MARCHF1: variants seen among roughly 807,000 people sequenced by gnomAD.
MARCHF1 encodes the protein E3 ubiquitin-protein ligase MARCHF1.
MARCHF1 carries 40 observed loss-of-function variants against 54.2 expected under a neutral mutation model. The observed-to-expected ratio is 0.74, with a 90% confidence interval of 0.57 to 0.96. The LOEUF (loss-of-function observed/expected upper bound fraction) is 0.96, where lower values mean the gene tolerates loss of function less well. Ranked by LOEUF, MARCHF1 falls within the 40% of genes least tolerant of loss-of-function variation. MARCHF1 has a pLI of 0.00. For synonymous variants in MARCHF1, 236 were observed against 236.3 expected, an observed-to-expected ratio of 1.00 and a Z score of 0.01; for missense variants, 586 against 656.5, an observed-to-expected ratio of 0.89 and a Z score of 1.17.
At chr4:164,036,132 A>AAAAAC (rs1560873154) in intron 2 of MARCHF1, among the ~76,000 whole-genome samples, 1 of 57,380 alleles carries the variant, frequency 1.7e-5, no homozygotes, top group Non-Finnish European at 2.9e-5. Context: ...AACAAAAAAC[A>AAAAAC]AAAAAAAAAA....
intron 2 of MARCHF1, among the ~76,000 whole-genome samples, chr4:163,996,772 A>C (rs1262025508): frequency 6.6e-6 from 1 of 152,046 alleles, no homozygotes; most frequent in African/African-American, 2.4e-5. Flanking sequence ...TAAATTGGGA[A>C]ATCTAACAAA....
intron 3 of MARCHF1, among the ~76,000 whole-genome samples, chr4:163,895,602 A>C (rs964911420): frequency 2.0e-5 from 3 of 152,162 alleles, no homozygotes; most frequent in African/African-American, 7.2e-5. Context: ...AGGACAGATA[A>C]TGCAGTAGAG....
intron 3 of MARCHF1, among the ~76,000 whole-genome samples, chr4:163,953,866 G>A (rs1232235631): frequency 6.6e-6 from 1 of 152,088 alleles, no homozygotes; most frequent in Non-Finnish European, 1.5e-5. Flanking sequence ...TCTTACAATG[G>A]CAGAGTTGAG....
At chr4:163,669,520 A>G (rs2111124354) in intron 5 of MARCHF1, among the ~76,000 whole-genome samples, 1 of 152,170 alleles carries the variant, frequency 6.6e-6, no homozygotes, top group Admixed American at 6.5e-5. Flanking sequence ...CTGGACTCCT[A>G]CTTCCAAAAT....
intron 5 of MARCHF1, among the ~76,000 whole-genome samples, chr4:163,621,506 G>A (rs1457162881): frequency 6.6e-6 from 1 of 152,094 alleles, no homozygotes; most frequent in Non-Finnish European, 1.5e-5. Flanking sequence ...ATTTTTTTCT[G>A]AGATTTCAGT....
intron 1 of MARCHF1, among the ~76,000 whole-genome samples, chr4:164,275,807 C>A (rs551282195): frequency 1.3e-5 from 2 of 152,212 alleles, no homozygotes; most frequent in African/African-American, 2.4e-5. Context: ...TTAGTTGATA[C>A]CAGAGGACTC....
intron 2 of MARCHF1, among the ~76,000 whole-genome samples, chr4:164,032,452 C>A (rs1753898605): frequency 6.6e-6 from 1 of 152,130 alleles, no homozygotes; most frequent in South Asian, 2.1e-4. Context: ...ATCTTTATAG[C>A]TTTCTGATGT....
chr4:164,238,305 A>G (rs1732626090), intron 1 of MARCHF1, among the ~76,000 whole-genome samples: 1 of 152,050 alleles, frequency 6.6e-6, no homozygotes, highest in African/African-American at 2.4e-5. Flanking sequence ...ATAGACAAAG[A>G]GAGTCTACAG....
At chr4:163,738,309 T>C (rs2111350049) in intron 4 of MARCHF1, among the ~76,000 whole-genome samples, 1 of 152,320 alleles carries the variant, frequency 6.6e-6, no homozygotes, top group African/African-American at 2.4e-5. Context: ...AAACCTTCTT[T>C]GGGGCCATTT....
chr4:164,345,610 AT>A lies in MARCHF1; in HGVS notation c.-323+38259del, dbSNP rs1730071150. On this transcript the variant is annotated intron_variant, in intron 1 of 9. Transcript: ENST00000514618. The stretch of plus-strand genomic sequence containing the variant: ...AATAATAATAATAATAATAATAATA[AT>A]AATAAATTTAAAAGCATAAAATTTA... Among the ~76,000 whole-genome samples, 4 of 122,428 alleles carry A rather than the reference AT, an allele frequency of 3.3e-5. No homozygotes were observed. In the Admixed American group the frequency reaches 3.6e-4, roughly 11 times the overall value. 80.3% of individuals were successfully genotyped at this position (122,428 alleles called of 152,430 possible).
At chr4:164,046,423 A>G (rs1317335911) in intron 2 of MARCHF1, among the ~76,000 whole-genome samples, 2 of 152,246 alleles carry the variant, frequency 1.3e-5, no homozygotes, top group African/African-American at 4.8e-5. Context: ...CCAGCCTTTG[A>G]TGAATTGATA....
In MARCHF1 at chr4:163,612,363, C is replaced by CTA; in HGVS notation, c.917_918insTA (p.Lys306AsnfsTer4). 1.3e-6 allele frequency: 2 copies of CTA among 1,535,414 alleles called. No homozygotes were observed. Reference sequence around the variant, plus strand: ...CCTGGAGCCCTGCATCATTCATGTCCTTGCTGCCTTCTGGAACTCCCAGTA... The same window carrying CTA: ...CCTGGAGCCCTGCATCATTCATGTCCTATTGCTGCCTTCTGGAACTCCCAGTA... On this transcript the variant is annotated frameshift_variant, in exon 7 of 10. Transcript: ENST00000514618. LOFTEE classifies it high-confidence loss of function.
intron 4 of MARCHF1, among the ~76,000 whole-genome samples, chr4:163,759,718 A>T (rs1004047696): frequency 1.3e-5 from 2 of 151,318 alleles, no homozygotes; most frequent in African/African-American, 4.9e-5. Context: ...CTTCTTTTTT[A>T]AAAGACTTTT....
At chr4:163,781,119 G>T (rs990440452) in intron 4 of MARCHF1, among the ~76,000 whole-genome samples, 2 of 152,168 alleles carry the variant, frequency 1.3e-5, no homozygotes, top group African/African-American at 2.4e-5. Context: ...CAAGGGGCGG[G>T]GGGGGTGGAT....
intron 7 of MARCHF1, among the ~76,000 whole-genome samples, chr4:163,597,154 C>T (rs776400485): frequency 1.3e-5 from 2 of 152,092 alleles, no homozygotes; most frequent in Admixed American, 6.6e-5. Flanking sequence ...GACGCGGTTT[C>T]GCCATGTTGG....
At chr4:164,170,875 G>A (rs1318944365) in intron 1 of MARCHF1, among the ~76,000 whole-genome samples, 3 of 152,072 alleles carry the variant, frequency 2.0e-5, no homozygotes. Flanking sequence ...ACAATATCCT[G>A]GTTGGCATGT....
At chr4:164,092,620 A>C (rs1755328679) in intron 2 of MARCHF1, among the ~76,000 whole-genome samples, 1 of 152,188 alleles carries the variant, frequency 6.6e-6, no homozygotes, top group Admixed American at 6.6e-5. Flanking sequence ...AATTTTACTT[A>C]CATTTACCAA....
intron 2 of MARCHF1, among the ~76,000 whole-genome samples, chr4:163,991,895 T>C (rs570489513): frequency 2.0e-5 from 3 of 152,148 alleles, no homozygotes; most frequent in East Asian, 3.9e-4. Flanking sequence ...AAATTTGGCA[T>C]TTTTACATAT....
At chr4:163,934,035 G>A (rs1022403038) in intron 3 of MARCHF1, among the ~76,000 whole-genome samples, 3 of 152,140 alleles carry the variant, frequency 2.0e-5, no homozygotes, top group African/African-American at 7.2e-5. Context: ...TTAATACACT[G>A]CAAAGGGGAA....
Sources: gnomAD v4.1 joint callset for allele counts (sites outside exome capture counted in the v4.1 genomes callset) on GRCh38, gnomAD v4.1.1 for gene constraint, MANE v1.5 for transcripts, NCBI Gene and HGNC (gene_info 2026-07-23, HGNC 2026-07-21) for gene names.